LRP1B: variants seen among roughly 807,000 people sequenced by gnomAD.
The protein encoded by LRP1B is LDL receptor related protein 1B, also known as low-density lipoprotein receptor-related protein 1B.
In LRP1B, 217 loss-of-function variants were observed where a neutral mutation model predicts 556.6. The ratio of observed to expected loss-of-function variants is 0.39; its 90% CI spans 0.35 to 0.44. The LOEUF is 0.44. Among genes scored for constraint, LRP1B ranks in the 20% least tolerant of loss-of-function variants. The pLI is 1.00. For synonymous variants in LRP1B, 2,047 were observed against 1,865.8 expected (o/e 1.10, Z -2.50); for missense variants, 5,053 against 5,620.8 (o/e 0.90, Z 3.23).
At chr2:141,309,908 G>T (rs781410453) in intron 3 of LRP1B, among the ~76,000 whole-genome samples, 1 of 152,040 alleles carries the variant, frequency 6.6e-6, no homozygotes, top group Non-Finnish European at 1.5e-5. Context: ...AAAGATAAGT[G>T]TTCCTTAAAT....
intron 2 of LRP1B, among the ~76,000 whole-genome samples, chr2:141,526,777 G>T (rs1684706012): frequency 1.3e-5 from 2 of 151,936 alleles, no homozygotes; most frequent in African/African-American, 4.8e-5. Flanking sequence ...CTTTGCCCAA[G>T]CTTCCCAGAA....
intron 3 of LRP1B, among the ~76,000 whole-genome samples, chr2:141,380,681 C>G (rs1364060315): frequency 2.0e-5 from 3 of 152,178 alleles, no homozygotes. Context: ...CAGCTCAGTG[C>G]AGAGGAAGTG....
chr2:140,549,736 C>T (rs553629896), intron 43 of LRP1B, among the ~76,000 whole-genome samples: 107 of 152,254 alleles, frequency 7.0e-4, no homozygotes, highest in Non-Finnish European at 1.2e-3. Context: ...TTTCAATGTC[C>T]CTTTTAGTTC....
intron 3 of LRP1B, among the ~76,000 whole-genome samples, chr2:141,462,563 T>C (rs867244322): frequency 6.6e-6 from 1 of 152,072 alleles, no homozygotes; most frequent in Non-Finnish European, 1.5e-5. Flanking sequence ...AAAACCTAGA[T>C]GACAGATTGA....
At position 142,130,635 on chromosome 2, in the gene LRP1B, G is replaced by T; in HGVS notation, c.82+13C>A. The T allele has an allele frequency of 6.2e-7, 1 of 1,603,350 alleles. No individual in the cohort carries two copies. Among genetic ancestry groups the T allele is most frequent in the Admixed American group, 1.7e-5 (1 of 59,376 alleles). On this transcript the variant is annotated intron_variant, in intron 1 of 90. Coordinates refer to ENST00000389484, the MANE Select transcript of LRP1B (RefSeq NM_018557.3). ...GAAGTCAGGGGAGGGGAGCGGGGAG[G>T]TGTTCTCCTTACCTCGGTCGGCTCC... is the stretch of plus-strand genomic sequence containing the variant.
chr2:141,509,926 A>T (rs1684061155), intron 2 of LRP1B, among the ~76,000 whole-genome samples: 1 of 150,568 alleles, frequency 6.6e-6, no homozygotes, highest in African/African-American at 2.5e-5. Flanking sequence ...ATGAAGCAAT[A>T]AATGGTATAA....
chr2:141,898,455 G>C (rs150218484), intron 1 of LRP1B, among the ~76,000 whole-genome samples: 5 of 152,168 alleles, frequency 3.3e-5, no homozygotes, highest in African/African-American at 1.2e-4. Context: ...TTTTAATCTT[G>C]TTTTAAGGTG....
intron 2 of LRP1B, among the ~76,000 whole-genome samples, chr2:141,635,556 T>C (rs1689083127): frequency 6.6e-6 from 1 of 152,144 alleles, no homozygotes; most frequent in Non-Finnish European, 1.5e-5. Context: ...TAAATATGTA[T>C]GTGGAAGAGA....
chr2:141,490,269 G>A (rs2105110383), intron 2 of LRP1B, among the ~76,000 whole-genome samples: 1 of 152,052 alleles, frequency 6.6e-6, no homozygotes, highest in Non-Finnish European at 1.5e-5. Flanking sequence ...AGTACCGATG[G>A]TATGTATTAT....
intron 1 of LRP1B, among the ~76,000 whole-genome samples, chr2:141,984,172 A>G (rs1702120701): frequency 6.6e-6 from 1 of 152,112 alleles, no homozygotes; most frequent in South Asian, 2.1e-4. Flanking sequence ...TTTTTTTTAA[A>G]TTATACTTTA....
intron 4 of LRP1B, among the ~76,000 whole-genome samples, chr2:141,251,128 T>C (rs1293051147): frequency 6.6e-6 from 1 of 152,030 alleles, no homozygotes; most frequent in Non-Finnish European, 1.5e-5. Context: ...CCATATATAA[T>C]CTCAAAATGA....
intron 2 of LRP1B, among the ~76,000 whole-genome samples, chr2:141,615,496 A>T (rs926201773): frequency 4.6e-5 from 7 of 152,196 alleles, no homozygotes; most frequent in African/African-American, 1.4e-4. Context: ...TTAGGCTGAA[A>T]TTCCTACATT....
chr2:140,371,318 G>T, intron 69 of LRP1B, 33 bp from the exon 70 acceptor site: 2 of 1,209,864 alleles, frequency 1.7e-6, no homozygotes, highest in South Asian at 1.5e-5. Flanking sequence ...AATTGAGATA[G>T]AGTAAAAATA....
At position 140,813,651 on chromosome 2, in the gene LRP1B, A is replaced by G; in HGVS notation, c.5359+6T>C. 6.2e-7 allele frequency: 1 copy of G among 1,612,632 alleles called. No individual in the cohort carries two copies. Among genetic ancestry groups the G allele is most frequent in the African/African-American group, 1.3e-5 (1 of 74,968 alleles). ...AGCAACCAAGCTATAGAATAATTTC[A>G]CTTACCCATGATGGTTAGGGCTGTA... On this transcript the variant is annotated splice_donor_region_variant and intron_variant, in intron 32 of 90. Coordinates refer to ENST00000389484, the MANE Select transcript of LRP1B (RefSeq NM_018557.3).
At chr2:141,905,622 C>T (rs562160403) in intron 1 of LRP1B, among the ~76,000 whole-genome samples, 3 of 151,600 alleles carry the variant, frequency 2.0e-5, no homozygotes, top group Non-Finnish European at 4.4e-5. Context: ...GAATCTAGGG[C>T]TGAATGAGGA....
intron 25 of LRP1B, among the ~76,000 whole-genome samples, chr2:140,872,193 G>A (rs1693156452): frequency 6.6e-6 from 1 of 150,752 alleles, no homozygotes; most frequent in Non-Finnish European, 1.5e-5. Flanking sequence ...GCTGCATGAG[G>A]GACCTAAAAT....
At chr2:141,614,803 C>T (rs1171345752) in intron 2 of LRP1B, among the ~76,000 whole-genome samples, 1 of 152,218 alleles carries the variant, frequency 6.6e-6, no homozygotes, top group African/African-American at 2.4e-5. Flanking sequence ...ACCTCCAGAA[C>T]TGTGAGAGAA....
intron 11 of LRP1B, among the ~76,000 whole-genome samples, chr2:141,047,083 A>G (rs1399276897): frequency 1.3e-5 from 2 of 150,936 alleles, no homozygotes; most frequent in Non-Finnish European, 1.5e-5. Context: ...TAATAATAAT[A>G]ATAAATGCAA....
chr2:141,457,340 C>T (rs901495720), intron 3 of LRP1B, among the ~76,000 whole-genome samples: 7 of 152,012 alleles, frequency 4.6e-5, no homozygotes, highest in East Asian at 1.9e-4. Context: ...CAGGAACAGA[C>T]GACCAAACAC....
Sources: allele counts gnomAD v4.1 joint callset (sites outside exome capture counted in the v4.1 genomes callset), GRCh38; gene constraint gnomAD v4.1.1; transcripts MANE v1.5; gene names NCBI Gene and HGNC (gene_info 2026-07-23, HGNC 2026-07-21).